WDR49: variants seen among roughly 807,000 people sequenced by gnomAD.
WDR49 encodes the protein WD repeat domain 49.
In WDR49, 107 loss-of-function variants were observed where a neutral mutation model predicts 119.5. The ratio of observed to expected loss-of-function variants is 0.90; its 90% CI spans 0.77 to 1.05. The LOEUF (loss-of-function observed/expected upper bound fraction) is 1.05, where lower values mean the gene tolerates loss of function less well. Ranked by LOEUF, WDR49 falls within the 50% of genes least tolerant of loss-of-function variation. The pLI is 0.00. For missense variants in WDR49, 1,240 were observed against 1,220.5 expected, an observed-to-expected ratio of 1.02 and a Z score of -0.24; for synonymous variants, 425 against 418.8, an observed-to-expected ratio of 1.01 and a Z score of -0.18.
At chr3:167,524,723 T>C (rs1408007660) in intron 15 of WDR49, among the ~76,000 whole-genome samples, 1 of 152,116 alleles carries the variant, frequency 6.6e-6, no homozygotes, top group Admixed American at 6.6e-5. Context: ...TGTAGGTGTG[T>C]GGTGTTATTT....
chr3:167,546,255 A>T (rs1366814047), intron 10 of WDR49, among the ~76,000 whole-genome samples: 2 of 151,974 alleles, frequency 1.3e-5, no homozygotes, highest in African/African-American at 4.8e-5. Context: ...GACATAAAAA[A>T]TAGTCTTTCT....
At chr3:167,633,500 G>C (rs1031122207) in intron 2 of WDR49, 6 of 455,986 alleles carry the variant, frequency 1.3e-5, no homozygotes, top group African/African-American at 1.2e-4. Context: ...TTAGCCACTC[G>C]TAGTGCTGCT....
rs866701384 is a variant in WDR49, at chr3:167,602,224, G to A, written c.1178C>T (p.Ser393Phe). 4 of 1,605,026 alleles carry A rather than the reference G, an allele frequency of 2.5e-6. No individual in the cohort carries two copies. The highest frequency in any genetic ancestry group is 3.3e-5 in the Admixed American group (2 of 59,894). ...GCCCCAAAGGACACCCACTGGTTTA[G>A]AGACAACATAGGGATTCCAAAGGCA... Reference protein sequence around the residue: ...KVCLWNPYVVSKPVGVLWGHS... With the variant: ...KVCLWNPYVVFKPVGVLWGHS... Residue 393 changes from serine (S) to phenylalanine (F), a missense_variant, in exon 7 of 19, where the codon TCT becomes TTT. Physicochemically the swap from Ser to Phe is radical, Grantham distance 155. Coordinates refer to ENST00000682715, the MANE Select transcript of WDR49 (RefSeq NM_001366157.1).
chr3:167,592,046 A>AT (rs775122268), intron 7 of WDR49, among the ~76,000 whole-genome samples: 8 of 151,782 alleles, frequency 5.3e-5, no homozygotes, highest in Non-Finnish European at 1.2e-4. Flanking sequence ...CTTGCTTTGT[A>AT]TTTTTTGTTC....
chr3:167,558,440 T>G (rs1231037453), intron 9 of WDR49, among the ~76,000 whole-genome samples: 1 of 152,200 alleles, frequency 6.6e-6, no homozygotes, highest in Non-Finnish European at 1.5e-5. Context: ...TCAGAGAAAC[T>G]CAACCCTGAT....
intron 10 of WDR49, among the ~76,000 whole-genome samples, chr3:167,549,725 T>C (rs1454873477): frequency 1.1e-4 from 17 of 152,206 alleles, no homozygotes; most frequent in Admixed American, 8.5e-4. Context: ...ATTTTGGCTT[T>C]TGTTGCCATT....
At chr3:167,482,612 G>C (rs1750760716) in intron 18 of WDR49, among the ~76,000 whole-genome samples, 1 of 150,966 alleles carries the variant, frequency 6.6e-6, no homozygotes. Flanking sequence ...CCGGGAGGCA[G>C]AGCTTGCAGT....
At chr3:167,484,675 T>C (rs1037968726) in intron 18 of WDR49, among the ~76,000 whole-genome samples, 1 of 140,116 alleles carries the variant, frequency 7.1e-6, no homozygotes, top group Non-Finnish European at 1.5e-5. Context: ...AAGTACACTA[T>C]CACAGGATGA....
intron 7 of WDR49, among the ~76,000 whole-genome samples, chr3:167,580,048 A>G (rs1714456067): frequency 6.6e-6 from 1 of 152,192 alleles, no homozygotes; most frequent in Non-Finnish European, 1.5e-5. Flanking sequence ...ACTGACATTT[A>G]GTCACATAAA....
intron 16 of WDR49, among the ~76,000 whole-genome samples, chr3:167,510,528 T>A (rs568831157): frequency 6.6e-6 from 1 of 152,262 alleles, no homozygotes; most frequent in African/African-American, 2.4e-5. Flanking sequence ...ATATCAATTG[T>A]TAACTTAGAA....
At chr3:167,546,490 A>C (rs1712208396) in intron 10 of WDR49, among the ~76,000 whole-genome samples, 1 of 151,876 alleles carries the variant, frequency 6.6e-6, no homozygotes, top group Admixed American at 6.6e-5. Flanking sequence ...AGGCCATTTT[A>C]GGAGTCTGAG....
At chr3:167,482,871 A>G (rs1212429575) in intron 18 of WDR49, among the ~76,000 whole-genome samples, 1 of 152,210 alleles carries the variant, frequency 6.6e-6, no homozygotes, top group Non-Finnish European at 1.5e-5. Flanking sequence ...AATTGTGAGC[A>G]TAAAGGAGAA....
intron 12 of WDR49, among the ~76,000 whole-genome samples, chr3:167,531,631 A>C (rs1343214583): frequency 6.6e-6 from 1 of 152,204 alleles, no homozygotes; most frequent in African/African-American, 2.4e-5. Flanking sequence ...TAATCATTAA[A>C]ATTAATCTTG....
intron 8 of WDR49, chr3:167,566,687 A>G (rs1468069558): frequency 4.9e-6 from 2 of 408,448 alleles, no homozygotes; most frequent in Non-Finnish European, 8.6e-6. Context: ...ACCGTTGACC[A>G]GAAGCCTTAC....
At chr3:167,596,614 G>A (rs531575377) in intron 7 of WDR49, among the ~76,000 whole-genome samples, 2,481 of 143,336 alleles carry the variant, frequency 0.017, 64 homozygotes, top group African/African-American at 0.06. Context: ...GTAAACTATC[G>A]CAAGAACAAA....
chr3:167,489,423 A>C (rs1398824602), intron 18 of WDR49, among the ~76,000 whole-genome samples: 1 of 152,080 alleles, frequency 6.6e-6, no homozygotes, highest in Non-Finnish European at 1.5e-5. Context: ...CAAGTTCTTA[A>C]AAATTAACAT....
intron 7 of WDR49, among the ~76,000 whole-genome samples, chr3:167,583,998 T>C (rs909598939): frequency 2.0e-5 from 3 of 152,140 alleles, no homozygotes; most frequent in Non-Finnish European, 4.4e-5. Context: ...GAACTCCAGA[T>C]ATTCTCATTA....
intron 12 of WDR49, 55 bp downstream of exon 12, chr3:167,532,824 C>T (rs1219540885): frequency 7.7e-7 from 1 of 1,305,230 alleles, no homozygotes; most frequent in African/African-American, 1.5e-5. Flanking sequence ...CATGAACAAC[C>T]AGGCCTACTG....
At chr3:167,543,780 G>A (rs1406644667) in intron 10 of WDR49, among the ~76,000 whole-genome samples, 1 of 151,960 alleles carries the variant, frequency 6.6e-6, no homozygotes, top group African/African-American at 2.4e-5. Context: ...AGTACTGGAA[G>A]TCCTACCAGA....
Sources: allele counts gnomAD v4.1 joint callset (sites outside exome capture counted in the v4.1 genomes callset), GRCh38; gene constraint gnomAD v4.1.1; transcripts MANE v1.5; gene names NCBI Gene and HGNC (gene_info 2026-07-23, HGNC 2026-07-21).